COBL: variants seen among roughly 807,000 people sequenced by gnomAD.
The protein encoded by COBL is protein cordon-bleu.
In COBL, 51 loss-of-function variants were observed where a neutral mutation model predicts 98.8. The ratio of observed to expected loss-of-function variants is 0.52; its 90% CI spans 0.41 to 0.65. COBL has a LOEUF of 0.65. Among genes scored for constraint, COBL ranks in the 30% least tolerant of loss-of-function variants. The pLI is 0.00. For missense variants in COBL, 1,617 were observed against 1,617.5 expected (o/e 1.00, Z 0.01); for synonymous variants, 634 against 651.7 (o/e 0.97, Z 0.41).
At position 51,087,159 on chromosome 7, in the gene COBL, C is replaced by CAA. The variant is rs1374681679; in HGVS notation, c.958-1856_958-1855insTT. ...ACACAGAGACATACACACACACACA[C>CAA]ACGCACAGACTCATACTTTTCCTCT... On this transcript the variant is annotated intron_variant, in intron 6 of 12. Transcript: ENST00000265136. Among the ~76,000 whole-genome samples, 22 of 151,862 alleles carry CAA rather than the reference C, an allele frequency of 1.4e-4. 1 individual carries two copies. Among genetic ancestry groups the CAA allele is most frequent in the Middle Eastern group, 3.4e-3 (1 of 294 alleles).
At chr7:51,159,442 G>A (rs985619962) in intron 5 of COBL, among the ~76,000 whole-genome samples, 3 of 152,230 alleles carry the variant, frequency 2.0e-5, no homozygotes, top group Admixed American at 6.5e-5. Context: ...AAAGGATACC[G>A]AGGGACAGAG....
intron 1 of COBL, among the ~76,000 whole-genome samples, chr7:51,295,774 T>G (rs974743657): frequency 2.0e-5 from 3 of 152,220 alleles, no homozygotes; most frequent in African/African-American, 7.2e-5. Flanking sequence ...CTTGTTAACC[T>G]TTCCGAAAAA....
intron 1 of COBL, chr7:51,259,459 G>T: frequency 1.9e-6 from 1 of 540,448 alleles, no homozygotes. Flanking sequence ...GCTGATTGAT[G>T]TGTTCACCCC....
intron 7 of COBL, among the ~76,000 whole-genome samples, chr7:51,067,426 T>A (rs369039008): frequency 2.0e-5 from 3 of 152,358 alleles, no homozygotes; most frequent in East Asian, 3.9e-4. Flanking sequence ...AGATACACAA[T>A]GTGCACATGT....
At chr7:51,227,983 T>C (rs1794365424) in intron 1 of COBL, among the ~76,000 whole-genome samples, 1 of 152,008 alleles carries the variant, frequency 6.6e-6, no homozygotes, top group African/African-American at 2.4e-5. Context: ...AAACAATAAA[T>C]ATCACACTGG....
chr7:51,045,148 T>C (rs2128891061), intron 7 of COBL, among the ~76,000 whole-genome samples: 1 of 152,308 alleles, frequency 6.6e-6, no homozygotes, highest in South Asian at 2.1e-4. Flanking sequence ...CACTCCTCTC[T>C]TGCCTTCCCT....
rs545978379 is a variant in COBL, at chr7:51,298,442, C to T, written c.41+18151G>A. On this transcript the variant is annotated intron_variant, in intron 1 of 12. Transcript: ENST00000265136. ...TCAGGGCTAATTGTGCAGCTTGCTG[C>T]CTGTGCATGCTCCTGCAATGACATT... Among the ~76,000 whole-genome samples the T allele has an allele frequency of 1.6e-3, 249 of 152,342 alleles. 1 individual carries two copies. The highest frequency in any genetic ancestry group is 5.8e-3 in the African/African-American group (240 of 41,572).
At chr7:51,100,235 T>C (rs1441779150) in intron 6 of COBL, among the ~76,000 whole-genome samples, 2 of 152,198 alleles carry the variant, frequency 1.3e-5, no homozygotes, top group Admixed American at 6.5e-5. Context: ...CTTAAAATAT[T>C]GAGAGACTTT....
chr7:51,048,463 G>A (rs1472646974), intron 7 of COBL, among the ~76,000 whole-genome samples: 1 of 151,984 alleles, frequency 6.6e-6, no homozygotes, highest in Non-Finnish European at 1.5e-5. Flanking sequence ...ATAAACAAAG[G>A]AATCTGGATA....
intron 6 of COBL, among the ~76,000 whole-genome samples, chr7:51,105,184 G>A: frequency 6.6e-6 from 1 of 151,794 alleles, no homozygotes; most frequent in Admixed American, 6.6e-5. Flanking sequence ...CAAGACGCCC[G>A]ATCTTCCAAG....
chr7:51,024,610 T>C (rs1159847172), intron 12 of COBL, among the ~76,000 whole-genome samples: 3 of 152,090 alleles, frequency 2.0e-5, no homozygotes, highest in Non-Finnish European at 4.4e-5. Flanking sequence ...GACTTCAGAT[T>C]CCGTAACTGT....
chr7:51,087,484 T>G (rs1225441469), intron 6 of COBL, among the ~76,000 whole-genome samples: 1 of 151,878 alleles, frequency 6.6e-6, no homozygotes, highest in Non-Finnish European at 1.5e-5. Context: ...TTGTGTGGGG[T>G]TTTTTTGGTT....
At chr7:51,281,741 A>T (rs1434223427) in intron 1 of COBL, among the ~76,000 whole-genome samples, 1 of 152,198 alleles carries the variant, frequency 6.6e-6, no homozygotes, top group African/African-American at 2.4e-5. Flanking sequence ...ATGAAGGCAA[A>T]GAGAATTCAC....
At chr7:51,063,867 A>G (rs1791633774) in intron 7 of COBL, among the ~76,000 whole-genome samples, 1 of 152,226 alleles carries the variant, frequency 6.6e-6, no homozygotes, top group Admixed American at 6.5e-5. Flanking sequence ...ATGTATTTGT[A>G]TGTGTAATTC....
chr7:51,295,504 T>C (rs532644188), intron 1 of COBL, among the ~76,000 whole-genome samples: 1 of 152,242 alleles, frequency 6.6e-6, no homozygotes, highest in African/African-American at 2.4e-5. Flanking sequence ...TGCCTAGATA[T>C]GTAGTACAGA....
At chr7:51,076,055 T>C (rs1438004581) in intron 7 of COBL, among the ~76,000 whole-genome samples, 1 of 152,186 alleles carries the variant, frequency 6.6e-6, no homozygotes, top group African/African-American at 2.4e-5. Context: ...GGAACAGCTG[T>C]GTGGCTGGCT....
At chr7:51,303,041 T>G (rs1802128386) in intron 1 of COBL, among the ~76,000 whole-genome samples, 1 of 152,190 alleles carries the variant, frequency 6.6e-6, no homozygotes, top group Admixed American at 6.5e-5. Context: ...AGCTACTGTT[T>G]TATCACTGCA....
intron 5 of COBL, among the ~76,000 whole-genome samples, chr7:51,152,354 AC>A (rs1785642264): frequency 6.6e-6 from 1 of 152,284 alleles, no homozygotes; most frequent in East Asian, 1.9e-4. Context: ...TTTCTTAGCT[AC>A]CCTGAATCCC....
intron 1 of COBL, among the ~76,000 whole-genome samples, chr7:51,267,476 A>G (rs1197209488): frequency 1.3e-5 from 2 of 151,098 alleles, no homozygotes; most frequent in Non-Finnish European, 3.0e-5. Flanking sequence ...ATTTATTTGT[A>G]TTTTTATATA....
Sources: gnomAD v4.1 joint callset for allele counts (sites outside exome capture counted in the v4.1 genomes callset) on GRCh38, gnomAD v4.1.1 for gene constraint, MANE v1.5 for transcripts, NCBI Gene and HGNC (gene_info 2026-07-23, HGNC 2026-07-21) for gene names.